WWOX: variants seen among roughly 807,000 people sequenced by gnomAD.
WWOX encodes the protein WW domain containing oxidoreductase.
WWOX carries 69 observed loss-of-function variants against 46.2 expected under a neutral mutation model. The ratio of observed to expected loss-of-function variants is 1.49; its 90% confidence interval spans 1.23 to 1.82. WWOX has a LOEUF of 1.82. Among genes scored for constraint, WWOX ranks in the 40% most tolerant of loss-of-function variants. The pLI, the probability that WWOX is intolerant of heterozygous loss-of-function variation, is 0.00. For missense variants in WWOX, 919 were observed against 542.6 expected (o/e 1.69, Z -6.89); for synonymous variants, 359 against 202.6 (o/e 1.77, Z -6.56).
intron 4 of WWOX, among the ~76,000 whole-genome samples, chr16:78,122,487 A>C (rs1215069379): frequency 6.6e-6 from 1 of 152,232 alleles, no homozygotes; most frequent in Non-Finnish European, 1.5e-5. Flanking sequence ...CATTACGTAA[A>C]GCTTGAAAAC....
chr16:78,611,253 T>G (rs1356244626), intron 8 of WWOX, among the ~76,000 whole-genome samples: 2 of 152,184 alleles, frequency 1.3e-5, no homozygotes, highest in Admixed American at 6.5e-5. Context: ...GACATCTCCT[T>G]CTCATATGTT....
intron 8 of WWOX, among the ~76,000 whole-genome samples, chr16:78,469,817 A>G (rs962541990): frequency 2.2e-4 from 34 of 152,226 alleles, no homozygotes; most frequent in Admixed American, 2.0e-3. Flanking sequence ...CACAGGGCCA[A>G]GTGACACCTA....
At chr16:78,300,391 C>T (rs949157028) in intron 5 of WWOX, among the ~76,000 whole-genome samples, 2 of 151,948 alleles carry the variant, frequency 1.3e-5, no homozygotes, top group Non-Finnish European at 1.5e-5. Context: ...AAGTGGAGGC[C>T]GTTACTCAGT....
At chr16:78,515,381 G>A (rs1022463468) in intron 8 of WWOX, among the ~76,000 whole-genome samples, 1 of 152,168 alleles carries the variant, frequency 6.6e-6, no homozygotes, top group Non-Finnish European at 1.5e-5. Flanking sequence ...GCTCATCGTA[G>A]TTACTTAACT....
chr16:78,099,905 G>A lies in WWOX; in HGVS notation c.107+20G>A, dbSNP rs2031640569. The A allele has an allele frequency of 6.4e-7, 1 of 1,551,836 alleles. No homozygotes were observed. The highest frequency in any genetic ancestry group is 1.4e-5 in the African/African-American group (1 of 72,964). On this transcript the variant is annotated intron_variant, in intron 1 of 8. Transcript: ENST00000566780. ...CGCCAAGTAAGGGGGCCGCAGTGGG[G>A]CCGCGGACGCACCTGGGACCCTGCA... is the stretch of plus-strand genomic sequence containing the variant.
At chr16:78,131,031 T>A (rs568809331) in intron 4 of WWOX, among the ~76,000 whole-genome samples, 14 of 152,338 alleles carry the variant, frequency 9.2e-5, no homozygotes, top group African/African-American at 3.4e-4. Flanking sequence ...CTGAATACTA[T>A]AGGCAGTCAT....
chr16:78,929,124 C>A (rs1013652871), intron 8 of WWOX, among the ~76,000 whole-genome samples: 1 of 152,144 alleles, frequency 6.6e-6, no homozygotes, highest in Non-Finnish European at 1.5e-5. Context: ...TTAACGCTCT[C>A]TCAAGAAATC....
intron 8 of WWOX, among the ~76,000 whole-genome samples, chr16:78,935,146 A>G (rs2045709129): frequency 6.6e-6 from 1 of 152,146 alleles, no homozygotes; most frequent in South Asian, 2.1e-4. Context: ...ACACTTTTAC[A>G]CTGTTGGTGG....
intron 5 of WWOX, among the ~76,000 whole-genome samples, chr16:78,209,021 T>C (rs565764732): frequency 7.2e-5 from 11 of 152,248 alleles, no homozygotes; most frequent in Non-Finnish European, 1.3e-4. Flanking sequence ...CAATTCCTAT[T>C]GGGAATGCTT....
chr16:78,498,810 C>T (rs184282028), intron 8 of WWOX, among the ~76,000 whole-genome samples: 29 of 152,190 alleles, frequency 1.9e-4, no homozygotes, highest in African/African-American at 6.8e-4. Context: ...AAGTAGTCTT[C>T]CTGCCTTGGC....
At chr16:79,073,923 C>G (rs912475083) in intron 8 of WWOX, among the ~76,000 whole-genome samples, 1 of 151,850 alleles carries the variant, frequency 6.6e-6, no homozygotes, top group African/African-American at 2.4e-5. Context: ...TTTCCTTTTT[C>G]TAGCAATTCT....
intron 8 of WWOX, among the ~76,000 whole-genome samples, chr16:78,804,290 C>A (rs75451735): frequency 1.3e-5 from 2 of 152,050 alleles, no homozygotes; most frequent in Admixed American, 1.3e-4. Flanking sequence ...GGTCTTTGCC[C>A]TCAATTTCAT....
At chr16:78,412,124 C>G (rs557162966) in intron 6 of WWOX, among the ~76,000 whole-genome samples, 18 of 152,096 alleles carry the variant, frequency 1.2e-4, no homozygotes, top group Middle Eastern at 3.4e-3. Context: ...GGGGATGGCA[C>G]GGTATTTTAG....
chr16:78,784,561 G>A (rs2050408862), intron 8 of WWOX, among the ~76,000 whole-genome samples: 1 of 152,036 alleles, frequency 6.6e-6, no homozygotes, highest in South Asian at 2.1e-4. Context: ...ATCTACAAAG[G>A]GGGAATTGAT....
intron 8 of WWOX, among the ~76,000 whole-genome samples, chr16:78,667,193 A>C (rs113228429): frequency 9.8e-5 from 15 of 152,286 alleles, no homozygotes; most frequent in South Asian, 6.2e-4. Flanking sequence ...CTATGGGTGA[A>C]CATGTCTGCA....
intron 5 of WWOX, among the ~76,000 whole-genome samples, chr16:78,385,313 T>A (rs78775852): frequency 5.4e-4 from 83 of 152,296 alleles, no homozygotes; most frequent in African/African-American, 1.9e-3. Context: ...CAGACTACCA[T>A]TTATTGCCAA....
chr16:79,037,040 A>G (rs903406352), intron 8 of WWOX, among the ~76,000 whole-genome samples: 1 of 152,140 alleles, frequency 6.6e-6, no homozygotes, highest in African/African-American at 2.4e-5. Flanking sequence ...ACTGCTTCTC[A>G]GGCACTCTGT....
intron 8 of WWOX, among the ~76,000 whole-genome samples, chr16:78,658,355 G>T (rs1281252420): frequency 6.6e-6 from 1 of 152,166 alleles, no homozygotes; most frequent in Non-Finnish European, 1.5e-5. Flanking sequence ...GCCATGCCCT[G>T]CTCTAAACAC....
rs1372127097 is a variant in WWOX, at chr16:78,113,945, T to G, written c.231-1031T>G. 2.0e-5 allele frequency among the ~76,000 whole-genome samples: 3 copies of G among 150,964 alleles called. No homozygotes were observed. The East Asian group carries it at 5.8e-4, about 29-fold the overall frequency. ...AACTAATTTTACACACACATACTTT[T>G]AAAATATGAAATTTCATCTATATTT... On this transcript the variant is annotated intron_variant, in intron 3 of 8. Transcript: ENST00000566780.
Sources: allele counts gnomAD v4.1 joint callset (sites outside exome capture counted in the v4.1 genomes callset), GRCh38; gene constraint gnomAD v4.1.1; transcripts MANE v1.5; gene names NCBI Gene and HGNC (gene_info 2026-07-23, HGNC 2026-07-21).